The following OR7E24 variants were observed in gnomAD, a reference collection of about 807,000 sequenced individuals.
OR7E24 encodes olfactory receptor family 7 subfamily E member 24, also known as olfactory receptor 7E24.
For synonymous variants in OR7E24, 130 were observed against 157.5 expected (o/e 0.83, Z 1.31); for missense variants, 385 against 410.3 (o/e 0.94, Z 0.53).
chr19:9,230,451 G>A, the OR7E24 span, among the ~76,000 whole-genome samples: 4 of 152,144 alleles, frequency 2.6e-5, no homozygotes, highest in Middle Eastern at 6.8e-3. Flanking sequence ...GCCTCTTTCC[G>A]GGAACAGTTA....
the OR7E24 span, chr19:9,210,502 C>G: frequency 2.6e-5 from 4 of 152,130 alleles, no homozygotes; most frequent in Non-Finnish European, 2.9e-5. Context: ...TTACTTGAGG[C>G]CAGGAATTCA....
chr19:9,207,863 C>T, the OR7E24 span: 1 of 152,090 alleles, frequency 6.6e-6, no homozygotes, highest in Non-Finnish European at 1.5e-5. Context: ...CGACCACCTT[C>T]TAGTATACCC....
Position 9,251,608 on chromosome 19 carries a change from G to A in OR7E24, c.565G>A (p.Asp189Asn), listed in dbSNP as rs1335042935. 2.5e-6 allele frequency: 4 copies of A among 1,613,436 alleles called. No homozygotes were observed. The South Asian group carries it at 4.4e-5, about 18-fold the overall frequency. The change falls in exon 1 of 1, where the codon GAT becomes AAT. Residue 189 changes from aspartate (D) to asparagine (N), a missense_variant. By Grantham distance (23) the Asp-to-Asn change is conservative. Coordinates refer to ENST00000456448, the MANE Select transcript of OR7E24 (RefSeq NM_001079935.2). ...TATGTTACAGCTCACCTGCTTCAAG[G>A]ATGTGGACATTTCTAATTTCTTCTG... is the stretch of plus-strand genomic sequence containing the variant. ...LIMLQLTCFK[D>N]VDISNFFCDP...
At position 9,251,868 on chromosome 19, in the gene OR7E24, A is replaced by G; in HGVS notation, c.825A>G (p.Val275=). The change falls in exon 1 of 1, where the codon GTA becomes GTG. Residue 275 remains valine, a synonymous_variant. Transcript: ENST00000456448. The part of the protein sequence containing the change: ...VVCLFYGTGL[V]GYLSSAVLPS... ...GCTTATTTTATGGAACAGGGCTTGTAGGGTACCTCAGTTCAGCTGTGTTAC... is the reference window on the plus strand; with the variant it reads ...GCTTATTTTATGGAACAGGGCTTGTGGGGTACCTCAGTTCAGCTGTGTTAC... 1 of 1,614,116 alleles carries G rather than the reference A, an allele frequency of 6.2e-7. No individual in the cohort carries two copies. The highest frequency in any genetic ancestry group is 8.5e-7 in the Non-Finnish European group (1 of 1,180,012).
At chr19:9,222,208 T>C in the OR7E24 span, among the ~76,000 whole-genome samples, 1 of 152,354 alleles carries the variant, frequency 6.6e-6, no homozygotes, top group East Asian at 1.9e-4. Flanking sequence ...CCATGCTGTT[T>C]TGGATATTAC....
the OR7E24 span, among the ~76,000 whole-genome samples, chr19:9,228,656 C>T: frequency 6.6e-6 from 1 of 152,190 alleles, no homozygotes; most frequent in Admixed American, 6.5e-5. Flanking sequence ...ATTGTTCAGT[C>T]CTCATTTTGT....
the OR7E24 span, among the ~76,000 whole-genome samples, chr19:9,228,736 A>G: frequency 2.0e-5 from 3 of 152,218 alleles, no homozygotes; most frequent in Non-Finnish European, 2.9e-5. Context: ...TTTGGAGTAG[A>G]TGGTGAATGC....
chr19:9,232,535 T>A, the OR7E24 span, among the ~76,000 whole-genome samples: 1 of 93,554 alleles, frequency 1.1e-5, no homozygotes, highest in African/African-American at 6.3e-5. Flanking sequence ...CGAAACTCCG[T>A]CGCAAAAAAA....
At chr19:9,250,671 T>C (rs1205900860), upstream of OR7E24, among the ~76,000 whole-genome samples, 1 of 152,236 alleles carries the variant, frequency 6.6e-6, no homozygotes, top group Non-Finnish European at 1.5e-5. Context: ...TGTAGAATTG[T>C]ATTAGAATAA....
At chr19:9,223,807 G>A in the OR7E24 span, among the ~76,000 whole-genome samples, 151 of 150,236 alleles carry the variant, frequency 1.0e-3, 1 homozygote, top group East Asian at 0.026. Flanking sequence ...AGCTAAAGGC[G>A]TGGTGTTGGT....
At chr19:9,207,790 G>C in the OR7E24 span, 1 of 152,072 alleles carries the variant, frequency 6.6e-6, no homozygotes, top group African/African-American at 2.4e-5. Context: ...TTTCCATCTG[G>C]TGTTCTTGTT....
At chr19:9,248,642 C>T (rs764054070), upstream of OR7E24, among the ~76,000 whole-genome samples, 7 of 152,174 alleles carry the variant, frequency 4.6e-5, no homozygotes, top group Admixed American at 1.3e-4. Context: ...TCAAAGATCC[C>T]AGAAAGAACT....
chr19:9,234,450 TAGAA>T, the OR7E24 span, among the ~76,000 whole-genome samples: 5 of 152,186 alleles, frequency 3.3e-5, no homozygotes, highest in Admixed American at 2.6e-4. Context: ...ATCATATTTT[TAGAA>T]AGAAAAAAAT....
At chr19:9,210,666 A>G in the OR7E24 span, 1 of 145,768 alleles carries the variant, frequency 6.9e-6, no homozygotes, top group Admixed American at 6.8e-5. Flanking sequence ...ACATTTCATT[A>G]AAGAATTTAC....
Position 9,250,975 on chromosome 19 carries a change from A to G in OR7E24, c.-69A>G, listed in dbSNP as rs2066143647. 9 of 1,154,408 alleles carry G rather than the reference A, an allele frequency of 7.8e-6. No homozygotes were observed. The highest frequency in any genetic ancestry group is 1.6e-5 in the African/African-American group (1 of 64,030). 71.5% of individuals were successfully genotyped at this position (1,154,408 alleles called of 1,614,324 possible). A position where few individuals can be genotyped will look rare whatever the true frequency, so the allele number is the denominator to read the frequency against. On this transcript the variant is annotated 5_prime_UTR_variant, in exon 1 of 1. It removes an upstream start codon present in the reference 5' UTR. Transcript: ENST00000456448. Reference sequence around the variant, plus strand: ...ACTATTGCTGAGGGTGTATAATCCTATGTGAAAACTTAATTTCTTAATTGC... The same window carrying G: ...ACTATTGCTGAGGGTGTATAATCCTGTGTGAAAACTTAATTTCTTAATTGC...
At chr19:9,240,349 A>G in the OR7E24 span, among the ~76,000 whole-genome samples, 1 of 152,094 alleles carries the variant, frequency 6.6e-6, no homozygotes, top group Non-Finnish European at 1.5e-5. Context: ...GTGTAATTTC[A>G]TGGAGGATTA....
the OR7E24 span, among the ~76,000 whole-genome samples, chr19:9,226,351 G>A: frequency 6.6e-6 from 1 of 152,220 alleles, no homozygotes; most frequent in African/African-American, 2.4e-5. Flanking sequence ...AACCTGATGT[G>A]TCCACCCTAC....
At chr19:9,214,744 G>A in the OR7E24 span, 12 of 1,614,064 alleles carry the variant, frequency 7.4e-6, no homozygotes, top group Non-Finnish European at 1.0e-5. Context: ...TACATGGACA[G>A]GAACAGCCCA....
chr19:9,251,060 T>C lies in OR7E24; in HGVS notation c.17T>C (p.Ile6Thr). 1.0e-5 allele frequency: 16 copies of C among 1,589,754 alleles called. No individual in the cohort carries two copies. The highest frequency in any genetic ancestry group is 1.4e-5 in the Non-Finnish European group (16 of 1,167,910). Residue 6 changes from isoleucine to threonine, a missense_variant, in exon 1 of 1, where the codon ATT (isoleucine) becomes ACT (threonine). Transcript: ENST00000456448. ...GGTTTACTTATGTCCTATTTTCCAA[T>C]TCTCTTTTTTTTTTTCCTCAAAAGG... is the stretch of plus-strand genomic sequence containing the variant. MSYFP[I>T]LFFFFLKRCP...
Sources: gnomAD v4.1 joint callset for allele counts (sites outside exome capture counted in the v4.1 genomes callset) on GRCh38, gnomAD v4.1.1 for gene constraint, MANE v1.5 for transcripts, NCBI Gene and HGNC (gene_info 2026-07-23, HGNC 2026-07-21) for gene names.